Variants in TMED8 observed in about 807,000 individuals in gnomAD.
The protein encoded by TMED8 is transmembrane p24 trafficking protein family member 8.
In TMED8, 15 loss-of-function variants were observed where a neutral mutation model predicts 32.7. The observed-to-expected ratio is 0.46, with a 90% CI of 0.31 to 0.71. The LOEUF is 0.71. TMED8 is among the 30% of genes least tolerant of loss of function. TMED8 has a pLI of 0.06. For synonymous variants in TMED8, 147 were observed against 161.4 expected (o/e 0.91, Z 0.68); for missense variants, 390 against 423.9 (o/e 0.92, Z 0.70).
chr14:77,346,816 AGTTGACAAAGTG>A (rs1686841993), intron 2 of TMED8, among the ~76,000 whole-genome samples: 1 of 34,972 alleles, frequency 2.9e-5, no homozygotes, highest in East Asian at 1.0e-3. Context: ...TATTTATTTT[AGTTGACAAAGTG>A]TATATATTTA....
chr14:77,373,312 A>C (rs985341506), intron 1 of TMED8, among the ~76,000 whole-genome samples: 1 of 151,644 alleles, frequency 6.6e-6, no homozygotes, highest in African/African-American at 2.4e-5. Flanking sequence ...TAAAAAAAAA[A>C]CAAAAACAAA....
chr14:77,367,983 C>T (rs1382808044), intron 1 of TMED8, among the ~76,000 whole-genome samples: 9 of 152,184 alleles, frequency 5.9e-5, no homozygotes, highest in Non-Finnish European at 1.5e-5. Flanking sequence ...CATGGGCCAC[C>T]GCACCCAGCC....
At chr14:77,351,090 G>A (rs141728218) in intron 2 of TMED8, among the ~76,000 whole-genome samples, 15 of 152,248 alleles carry the variant, frequency 9.9e-5, no homozygotes, top group African/African-American at 3.1e-4. Flanking sequence ...AAGTTGTGCC[G>A]TTTCCATTTC....
intron 1 of TMED8, among the ~76,000 whole-genome samples, chr14:77,360,344 C>T (rs912332784): frequency 6.6e-6 from 1 of 152,100 alleles, no homozygotes; most frequent in African/African-American, 2.4e-5. Flanking sequence ...CTTTCCTCTA[C>T]CATCACCACC....
At chr14:77,346,223 A>G in intron 3 of TMED8, 126 bp downstream of exon 3, 1 of 971,524 alleles carries the variant, frequency 1.0e-6, no homozygotes, top group African/African-American at 1.6e-5. Context: ...AAGATGCCCT[A>G]AATTAGAGGG....
rs6637 is a variant in TMED8 at position 77,335,088 on chromosome 14, T to G, written c.*6683A>C. 6.6e-6 allele frequency: 1 copy of G among 152,026 alleles called. No homozygotes were observed. The highest frequency in any genetic ancestry group is 1.5e-5 in the Non-Finnish European group (1 of 67,992). The allele number at this position is 152,026 out of a possible 1,614,324, so 9.4% of individuals were successfully genotyped here. On this transcript the variant is annotated 3_prime_UTR_variant, in exon 6 of 6. Coordinates refer to ENST00000216468, the MANE Select transcript of TMED8 (RefSeq NM_213601.3). ...AAAACTCAGAAGAGATGACAAAGAA[T>G]GCACAAAAGCATCACAAAACTGTTA...
At chr14:77,345,187 A>C (rs1017979611) in intron 3 of TMED8, among the ~76,000 whole-genome samples, 2 of 152,036 alleles carry the variant, frequency 1.3e-5, no homozygotes, top group African/African-American at 2.4e-5. Context: ...GGGTTTTTCC[A>C]TGTTGGTCAG....
intron 2 of TMED8, among the ~76,000 whole-genome samples, chr14:77,348,441 T>C (rs890049689): frequency 1.3e-5 from 2 of 152,114 alleles, no homozygotes; most frequent in Non-Finnish European, 2.9e-5. Context: ...GCCAGGATGG[T>C]CTCGATCTCC....
At chr14:77,361,958 T>G (rs1335846772) in intron 1 of TMED8, among the ~76,000 whole-genome samples, 1 of 152,210 alleles carries the variant, frequency 6.6e-6, no homozygotes, top group Non-Finnish European at 1.5e-5. Flanking sequence ...CTAGGCTAAT[T>G]TATTAAGTAT....
At chr14:77,361,209 T>C (rs755497324) in intron 1 of TMED8, among the ~76,000 whole-genome samples, 3 of 152,108 alleles carry the variant, frequency 2.0e-5, no homozygotes, top group Non-Finnish European at 2.9e-5. Flanking sequence ...CTCAAACTTC[T>C]GACTTCAAGT....
At chr14:77,356,929 T>G (rs1361957479) in intron 1 of TMED8, among the ~76,000 whole-genome samples, 1 of 152,242 alleles carries the variant, frequency 6.6e-6, no homozygotes, top group African/African-American at 2.4e-5. Context: ...CTTAACAGAT[T>G]ATTTTATGCA....
intron 3 of TMED8, among the ~76,000 whole-genome samples, chr14:77,345,069 C>A (rs996440651): frequency 6.6e-6 from 1 of 152,280 alleles, no homozygotes; most frequent in South Asian, 2.1e-4. Context: ...CTCACTGCAA[C>A]CTCCACCTCC....
intron 3 of TMED8, 31 bp from the exon 4 acceptor site, chr14:77,343,854 T>A (rs762169183): frequency 3.8e-6 from 6 of 1,595,674 alleles, no homozygotes; most frequent in Non-Finnish European, 5.1e-6. Flanking sequence ...TAAAGGAGTA[T>A]TCGAGTGGCA....
chr14:77,358,697 T>C (rs921127693), intron 1 of TMED8, among the ~76,000 whole-genome samples: 6 of 152,212 alleles, frequency 3.9e-5, no homozygotes, highest in African/African-American at 1.2e-4. Flanking sequence ...TATATACATA[T>C]TTGCTTTCTT....
chr14:77,375,540 A>G (rs887747083), intron 1 of TMED8, among the ~76,000 whole-genome samples: 2 of 152,228 alleles, frequency 1.3e-5, no homozygotes, highest in African/African-American at 4.8e-5. Context: ...TGTTAAATAT[A>G]TGCCAACGAT....
intron 1 of TMED8, among the ~76,000 whole-genome samples, chr14:77,374,395 C>T (rs892168365): frequency 1.3e-5 from 2 of 152,232 alleles, no homozygotes; most frequent in African/African-American, 4.8e-5. Flanking sequence ...GAGCCAGATA[C>T]CTCCTTGTTA....
chr14:77,357,617 A>G (rs1227064135), intron 1 of TMED8, among the ~76,000 whole-genome samples: 1 of 152,250 alleles, frequency 6.6e-6, no homozygotes, highest in African/African-American at 2.4e-5. Flanking sequence ...AAGTATCGTT[A>G]GAAACACATG....
Position 77,376,973 on chromosome 14 carries a change from G to A in TMED8, c.81C>T (p.Asp27=), listed in dbSNP as rs771750759. ...ARPGSAGGVG[D]CQGVEGSQAA... Reference sequence around the variant, plus strand: ...CCTGGCTCCCCTCCACTCCCTGGCAGTCCCCGACGCCGCCAGCCGACCCTG... The same window carrying A: ...CCTGGCTCCCCTCCACTCCCTGGCAATCCCCGACGCCGCCAGCCGACCCTG... Residue 27 remains aspartate (D), a synonymous_variant, in exon 1 of 6, where the codon GAC becomes GAT. Coordinates refer to ENST00000216468, the MANE Select transcript of TMED8 (RefSeq NM_213601.3). The surrounding 1 kb of genome is among the most constrained non-coding windows in gnomAD (Gnocchi z 4.0). 1.3e-5 allele frequency: 19 copies of A among 1,453,302 alleles called. No individual in the cohort carries two copies. The South Asian group carries it at 2.6e-4, about 20-fold the overall frequency. The allele number at this position is 1,453,302 out of a possible 1,614,324, so 90.0% of individuals were successfully genotyped here.
chr14:77,353,435 CTTTG>C (rs1486171885), intron 1 of TMED8, among the ~76,000 whole-genome samples: 3 of 138,832 alleles, frequency 2.2e-5, no homozygotes, highest in African/African-American at 8.1e-5. Context: ...CTTTTCTTTT[CTTTG>C]TTTTTTTTTT....
Sources: allele counts gnomAD v4.1 joint callset (sites outside exome capture counted in the v4.1 genomes callset), GRCh38; gene constraint gnomAD v4.1.1; non-coding constraint Gnocchi (gnomAD v3.1); transcripts MANE v1.5; gene names NCBI Gene and HGNC (gene_info 2026-07-23, HGNC 2026-07-21).